IKZF1: variants seen among roughly 807,000 people sequenced by gnomAD.
The protein encoded by IKZF1 is DNA-binding protein Ikaros.
In IKZF1, 10 loss-of-function variants were observed where a neutral mutation model predicts 51.7. The ratio of observed to expected loss-of-function variants is 0.19; its 90% confidence interval spans 0.12 to 0.33. The LOEUF (loss-of-function observed/expected upper bound fraction) is 0.33. Among genes scored for constraint, IKZF1 ranks in the 10% least tolerant of loss-of-function variants. The pLI is 1.00. For missense variants in IKZF1, 484 were observed against 707.5 expected, an observed-to-expected ratio of 0.68 and a Z score of 3.58; for synonymous variants, 280 against 282.3, an observed-to-expected ratio of 0.99 and a Z score of 0.08.
intron 6 of IKZF1, among the ~76,000 whole-genome samples, chr7:50,390,094 CACAA>C (rs1284643978): frequency 6.6e-6 from 1 of 152,210 alleles, no homozygotes; most frequent in East Asian, 1.9e-4. Context: ...GCCTTTGGTG[CACAA>C]ACAGAGTCAC....
At chr7:50,326,497 G>A (rs533414714) in intron 2 of IKZF1, among the ~76,000 whole-genome samples, 7 of 152,278 alleles carry the variant, frequency 4.6e-5, no homozygotes, top group South Asian at 2.1e-4. Context: ...TTGGAAGGGC[G>A]GAAACTATAG....
At chr7:50,308,257 A>G (rs1262014717) in intron 1 of IKZF1, among the ~76,000 whole-genome samples, 1 of 152,150 alleles carries the variant, frequency 6.6e-6, no homozygotes, top group Non-Finnish European at 1.5e-5. Flanking sequence ...CTTGGTGGTT[A>G]CTCCTGAGAA....
intron 4 of IKZF1, among the ~76,000 whole-genome samples, chr7:50,378,826 C>T (rs1811019223): frequency 6.6e-6 from 1 of 152,180 alleles, no homozygotes. Flanking sequence ...AAAATACACA[C>T]ACTTGAAGCA....
At chr7:50,367,498 G>A (rs780582412) in intron 3 of IKZF1, among the ~76,000 whole-genome samples, 10 of 152,150 alleles carry the variant, frequency 6.6e-5, no homozygotes, top group South Asian at 2.1e-4. Context: ...CTCTTTTGTT[G>A]GTTGGGGAAA....
intron 3 of IKZF1, among the ~76,000 whole-genome samples, chr7:50,360,230 C>T (rs753891676): frequency 1.3e-5 from 2 of 151,908 alleles, no homozygotes; most frequent in Non-Finnish European, 2.9e-5. Flanking sequence ...TGAAGCAGGG[C>T]CTGGGCTTCT....
Position 50,403,116 on chromosome 7 carries a change from C to T in IKZF1, c.*2489C>T, listed in dbSNP as rs1818423764. On this transcript the variant is annotated 3_prime_UTR_variant, in exon 8 of 8. Coordinates refer to ENST00000331340, the MANE Select transcript of IKZF1 (RefSeq NM_006060.6). ...ACTGCTTTGCCCTTTCCTCTCACTG[C>T]CTTTTATAGCCAATATAAATGTCTC... The T allele has an allele frequency of 4.5e-6, 1 of 221,440 alleles. No individual in the cohort carries two copies. The highest frequency in any genetic ancestry group is 9.0e-6 in the Non-Finnish European group (1 of 110,764). The allele number at this position is 221,440 out of a possible 1,614,324, so 13.7% of individuals were successfully genotyped here.
chr7:50,355,636 A>AATAAATAAATAC (rs1311484045), intron 3 of IKZF1, among the ~76,000 whole-genome samples: 19 of 149,978 alleles, frequency 1.3e-4, no homozygotes, highest in Admixed American at 2.0e-4. Flanking sequence ...TAAATAAATA[A>AATAAATAAATAC]ATAAATAAAT....
At chr7:50,369,847 T>G (rs1030282353) in intron 3 of IKZF1, 1 of 352,526 alleles carries the variant, frequency 2.8e-6, no homozygotes, top group Non-Finnish European at 5.1e-6. Flanking sequence ...GGCCTTAAAT[T>G]GCAAATAACG....
intron 3 of IKZF1, among the ~76,000 whole-genome samples, chr7:50,356,218 T>C (rs976044917): frequency 1.3e-5 from 2 of 152,262 alleles, no homozygotes; most frequent in African/African-American, 4.8e-5. Context: ...AGTTTTACCA[T>C]ATTTTAACTC....
chr7:50,403,624 C>T lies in IKZF1; in HGVS notation c.*2997C>T, dbSNP rs1282943024. On this transcript the variant is annotated 3_prime_UTR_variant, in exon 8 of 8. Transcript: ENST00000331340. ...AGTGTGATTATCCTAATTCAAGAGT[C>T]ACTAAAACTCATCACATTATCATTG... 1 of 228,480 alleles carries T rather than the reference C, an allele frequency of 4.4e-6. No homozygotes were observed. Among genetic ancestry groups the T allele is most frequent in the East Asian group, 6.2e-5 (1 of 16,172 alleles). 14.2% of individuals were successfully genotyped at this position (228,480 alleles called of 1,614,324 possible).
At chr7:50,356,156 G>A (rs995578988) in intron 3 of IKZF1, among the ~76,000 whole-genome samples, 1 of 152,192 alleles carries the variant, frequency 6.6e-6, no homozygotes, top group African/African-American at 2.4e-5. Context: ...TTTTCCATTA[G>A]TCCACTTTGC....
rs886906263 is a variant in IKZF1, at chr7:50,350,846, C to T, written c.160+23089C>T. ...GGGCTCTGGTAGCGCTTTATCCCTG[C>T]GTGCTGGCTTGCCCGGGTTGACTCA... On this transcript the variant is annotated intron_variant, in intron 3 of 7. Coordinates refer to ENST00000331340, the MANE Select transcript of IKZF1 (RefSeq NM_006060.6). 3.9e-5 allele frequency among the ~76,000 whole-genome samples: 6 copies of T among 152,164 alleles called. No individual in the cohort carries two copies. In the South Asian group the frequency reaches 1.0e-3, roughly 26 times the overall value.
At chr7:50,319,002 A>T (rs750578546) in intron 1 of IKZF1, 46 bp from the exon 2 acceptor site, 83 of 1,166,502 alleles carry the variant, frequency 7.1e-5, no homozygotes, top group Non-Finnish European at 9.5e-5. Flanking sequence ...CTCATATCTT[A>T]TTAGTATTTT....
rs531339101 is a variant in IKZF1 at position 50,383,607 on chromosome 7, A to G, written c.589+900A>G. On this transcript the variant is annotated intron_variant, in intron 5 of 7. Coordinates refer to ENST00000331340, the MANE Select transcript of IKZF1 (RefSeq NM_006060.6). ...TCCAGTTGGGGATATTTGCTGTAGC[A>G]TACTGCATGAGACTTCGGAGGCGAA... 2.9e-3 allele frequency among the ~76,000 whole-genome samples: 444 copies of G among 152,314 alleles called. 12 individuals carry two copies. Among genetic ancestry groups the G allele is most frequent in the Non-Finnish European group, 9.0e-4 (61 of 68,022 alleles).
At chr7:50,357,593 A>G (rs6963357) in intron 3 of IKZF1, among the ~76,000 whole-genome samples, 114,986 of 152,054 alleles carry the variant, frequency 0.76, 44,502 homozygotes, top group African/African-American at 0.92. Context: ...GCTGTTTATA[A>G]ATTGCAACAT....
chr7:50,387,988 T>C (rs1813918425), intron 6 of IKZF1, among the ~76,000 whole-genome samples: 1 of 152,108 alleles, frequency 6.6e-6, no homozygotes, highest in Non-Finnish European at 1.5e-5. Context: ...CCCCTGGTAG[T>C]TGATAATATT....
intron 6 of IKZF1, among the ~76,000 whole-genome samples, chr7:50,390,433 A>G (rs959414291): frequency 3.3e-5 from 5 of 152,286 alleles, no homozygotes; most frequent in African/African-American, 1.2e-4. Context: ...AATAAAAAAC[A>G]CATATTCCAA....
chr7:50,305,621 T>G (rs2153312632), intron 1 of IKZF1, among the ~76,000 whole-genome samples: 1 of 152,244 alleles, frequency 6.6e-6, no homozygotes, highest in African/African-American at 2.4e-5. Flanking sequence ...AGCTTCCCTC[T>G]CTCTAGGGAC....
Position 50,376,910 on chromosome 7 carries a change from A to AATT in IKZF1, c.421+117_421+118insATT. ...CATGTTTCTAATTGACTGGTAGCTCAGTTGTTGCAAGCGATTGGTTCCAAG... is the reference window on the plus strand; with the variant it reads ...CATGTTTCTAATTGACTGGTAGCTCAATTGTTGTTGCAAGCGATTGGTTCCAAG... On this transcript the variant is annotated intron_variant, in intron 4 of 7. Coordinates refer to ENST00000331340, the MANE Select transcript of IKZF1 (RefSeq NM_006060.6). This position sits in a 1 kb window ranked among gnomAD's most constrained non-coding sequence, Gnocchi z 4.5. 6.8e-7 allele frequency: 1 copy of AATT among 1,474,694 alleles called. No homozygotes were observed. Among genetic ancestry groups the AATT allele is most frequent in the Non-Finnish European group, 9.0e-7 (1 of 1,108,624 alleles). The allele number at this position is 1,474,694 out of a possible 1,614,324, so 91.4% of individuals were successfully genotyped here.
Sources: allele counts gnomAD v4.1 joint callset (sites outside exome capture counted in the v4.1 genomes callset), GRCh38; gene constraint gnomAD v4.1.1; non-coding constraint Gnocchi (gnomAD v3.1); transcripts MANE v1.5; gene names NCBI Gene and HGNC (gene_info 2026-07-23, HGNC 2026-07-21).